FBXL7: variants seen among roughly 807,000 people sequenced by gnomAD.
FBXL7 encodes F-box/LRR-repeat protein 7.
Under a neutral mutation model 38.3 loss-of-function variants are expected in FBXL7, and 12 were observed. That is an observed-to-expected ratio of 0.31 (90% CI 0.20 to 0.51). The LOEUF (loss-of-function observed/expected upper bound fraction) is 0.51, where lower values mean the gene tolerates loss of function less well. FBXL7 is among the 20% of genes least tolerant of loss of function. The pLI is 0.98. For missense variants in FBXL7, 567 were observed against 676.4 expected (o/e 0.84, Z 1.79); for synonymous variants, 297 against 300.9 (o/e 0.99, Z 0.13).
intron 2 of FBXL7, among the ~76,000 whole-genome samples, chr5:15,861,588 C>G (rs1247634667): frequency 6.6e-6 from 1 of 152,218 alleles, no homozygotes; most frequent in Non-Finnish European, 1.5e-5. Context: ...ATTACCCATA[C>G]TTCCCAACCT....
chr5:15,580,198 A>G (rs757205279), intron 1 of FBXL7, among the ~76,000 whole-genome samples: 1 of 152,198 alleles, frequency 6.6e-6, no homozygotes, highest in Non-Finnish European at 1.5e-5. Context: ...ATACAGCAAG[A>G]AGATGGGCCT....
At chr5:15,538,094 G>T (rs917470719) in intron 1 of FBXL7, among the ~76,000 whole-genome samples, 2 of 152,140 alleles carry the variant, frequency 1.3e-5, no homozygotes, top group Non-Finnish European at 2.9e-5. Context: ...GTGGGACTTA[G>T]TTCCTTGAAT....
At chr5:15,694,951 T>C (rs1743288994) in intron 2 of FBXL7, among the ~76,000 whole-genome samples, 2 of 152,190 alleles carry the variant, frequency 1.3e-5, no homozygotes, top group African/African-American at 4.8e-5. Context: ...GCTTCATGCC[T>C]GCTATAAAAA....
intron 2 of FBXL7, among the ~76,000 whole-genome samples, chr5:15,664,469 C>CTTTTTTTTTTTTTTTT (rs34999340): frequency 1.1e-4 from 12 of 105,542 alleles, no homozygotes; most frequent in East Asian, 3.1e-4. Flanking sequence ...TTTTCTTTTC[C>CTTTTTTTTTTTTTTTT]TTTTTTTTTT....
intron 1 of FBXL7, among the ~76,000 whole-genome samples, chr5:15,523,087 G>A (rs547914584): frequency 6.6e-6 from 1 of 152,288 alleles, no homozygotes; most frequent in South Asian, 2.1e-4. Context: ...CACCTGATGG[G>A]TGGCACAGAT....
chr5:15,878,425 G>C (rs568762621), intron 2 of FBXL7, among the ~76,000 whole-genome samples: 1 of 152,212 alleles, frequency 6.6e-6, no homozygotes, highest in African/African-American at 2.4e-5. Flanking sequence ...CTCTCTCCAT[G>C]TTCTCCAGCA....
intron 2 of FBXL7, among the ~76,000 whole-genome samples, chr5:15,861,992 T>C (rs1739495711): frequency 6.6e-6 from 1 of 152,224 alleles, no homozygotes; most frequent in Admixed American, 6.5e-5. Context: ...TAATTAGTGG[T>C]ATAAGGTGAC....
In FBXL7 at chr5:15,937,399, G is replaced by A. The variant is rs1039139375; in HGVS notation, c.*213G>A. 3.0e-5 allele frequency: 18 copies of A among 605,988 alleles called. No individual in the cohort carries two copies. The highest frequency in any genetic ancestry group is 6.3e-5 in the Admixed American group (2 of 31,560). 37.5% of individuals were successfully genotyped at this position (605,988 alleles called of 1,614,324 possible). On this transcript the variant is annotated 3_prime_UTR_variant, in exon 4 of 4. Coordinates refer to ENST00000504595, the MANE Select transcript of FBXL7 (RefSeq NM_012304.5). ...AAACAGCAAACAGGCATTTTGGTCAGGTCATTTGTAGGCAGTTTCTCTTCT... is the reference window on the plus strand; with the variant it reads ...AAACAGCAAACAGGCATTTTGGTCAAGTCATTTGTAGGCAGTTTCTCTTCT...
intron 2 of FBXL7, among the ~76,000 whole-genome samples, chr5:15,647,858 T>G (rs1485272854): frequency 1.3e-5 from 2 of 152,198 alleles, no homozygotes; most frequent in African/African-American, 4.8e-5. Context: ...CAGAAGTACT[T>G]TGCCCAAGCC....
At chr5:15,854,766 C>T (rs1420787785) in intron 2 of FBXL7, among the ~76,000 whole-genome samples, 1 of 152,066 alleles carries the variant, frequency 6.6e-6, no homozygotes, top group Non-Finnish European at 1.5e-5. Flanking sequence ...TAACAATTTC[C>T]CATTGCATTA....
At chr5:15,623,853 A>G (rs1023695356) in intron 2 of FBXL7, among the ~76,000 whole-genome samples, 1 of 152,142 alleles carries the variant, frequency 6.6e-6, no homozygotes, top group Non-Finnish European at 1.5e-5. Context: ...AAATGTTTTC[A>G]TTTTGCAGAT....
intron 2 of FBXL7, among the ~76,000 whole-genome samples, chr5:15,831,355 C>T (rs546599282): frequency 1.6e-3 from 249 of 152,108 alleles, no homozygotes; most frequent in Non-Finnish European, 1.5e-3. Context: ...GTGGTATTCT[C>T]CCTATTTGGG....
At chr5:15,672,846 C>T (rs1181515327) in intron 2 of FBXL7, among the ~76,000 whole-genome samples, 1 of 152,154 alleles carries the variant, frequency 6.6e-6, no homozygotes, top group Admixed American at 6.5e-5. Context: ...TGAGCCACCA[C>T]ACCCGGCCTG....
Position 15,937,149 on chromosome 5 carries a change from G to A in FBXL7, c.1439G>A (p.Arg480His), listed in dbSNP as rs767178690. Reference protein sequence around the residue: ...ALRFVKRHCKRCVIEHTNPAF... With the variant: ...ALRFVKRHCKHCVIEHTNPAF... ...CGCTTTGTCAAACGCCACTGCAAGC[G>A]CTGCGTCATCGAGCACACCAACCCG... The change falls in exon 4 of 4, where the codon CGC becomes CAC. Residue 480 changes from arginine to histidine, a missense_variant. Arg to His is a conservative substitution (Grantham distance 29). Transcript: ENST00000504595. The A allele has an allele frequency of 4.4e-5, 70 of 1,604,648 alleles. No homozygotes were observed. The highest frequency in any genetic ancestry group is 3.9e-4 in the South Asian group (35 of 90,444).
chr5:15,777,748 T>TAAAAAAAAAAAAAAAAAAAAAAAAAAA (rs1250146374), intron 2 of FBXL7, among the ~76,000 whole-genome samples: 23 of 89,448 alleles, frequency 2.6e-4, no homozygotes, highest in African/African-American at 4.5e-4. Flanking sequence ...AAAAAAAAAG[T>TAAAAAAAAAAAAAAAAAAAAAAAAAAA]AAATTCCAGT....
chr5:15,785,390 G>T lies in FBXL7; in HGVS notation c.128-142500G>T, dbSNP rs976161873. Among the ~76,000 whole-genome samples, 3 of 152,096 alleles carry T rather than the reference G, an allele frequency of 2.0e-5. No homozygotes were observed. The South Asian group carries it at 6.2e-4, about 32-fold the overall frequency. On this transcript the variant is annotated intron_variant, in intron 2 of 3. Coordinates refer to ENST00000504595, the MANE Select transcript of FBXL7 (RefSeq NM_012304.5). ...CACACAGTCACACACACCCCACTGTGGACATCTCACAATATAGGACAGGCT... is the reference window on the plus strand; with the variant it reads ...CACACAGTCACACACACCCCACTGTTGACATCTCACAATATAGGACAGGCT...
In FBXL7 at chr5:15,936,680, G is replaced by C; in HGVS notation, c.970G>C (p.Ala324Pro). The C allele has an allele frequency of 6.2e-7, 1 of 1,608,254 alleles. No homozygotes were observed. Among genetic ancestry groups the C allele is most frequent in the Non-Finnish European group, 8.5e-7 (1 of 1,179,666 alleles). Reference protein sequence around the residue: ...EGLRYLVIYCASIKELSVSDC... With the variant: ...EGLRYLVIYCPSIKELSVSDC... The stretch of plus-strand genomic sequence containing the variant: ...CCTGCGCTACCTGGTGATCTACTGC[G>C]CCTCCATCAAGGAGCTGAGCGTCAG... The change falls in exon 4 of 4, where the codon GCC becomes CCC. Residue 324 changes from alanine (A) to proline (P), a missense_variant. Transcript: ENST00000504595. This position sits in a 1 kb window ranked among gnomAD's most constrained non-coding sequence, Gnocchi z 6.0.
chr5:15,902,099 C>T (rs2126411120), intron 2 of FBXL7, among the ~76,000 whole-genome samples: 1 of 152,328 alleles, frequency 6.6e-6, no homozygotes, highest in East Asian at 1.9e-4. Flanking sequence ...TGCCTCCCAT[C>T]TTGTTGCTCT....
intron 1 of FBXL7, among the ~76,000 whole-genome samples, chr5:15,601,978 T>C (rs1257394199): frequency 6.6e-6 from 1 of 152,050 alleles, no homozygotes; most frequent in Non-Finnish European, 1.5e-5. Flanking sequence ...GATGTCCTTA[T>C]GAAAAGAGAC....
Sources: allele counts gnomAD v4.1 joint callset (sites outside exome capture counted in the v4.1 genomes callset), GRCh38; gene constraint gnomAD v4.1.1; non-coding constraint Gnocchi (gnomAD v3.1); transcripts MANE v1.5; gene names NCBI Gene and HGNC (gene_info 2026-07-23, HGNC 2026-07-21).